RAPGEF6: variants seen among roughly 807,000 people sequenced by gnomAD.
RAPGEF6 encodes the protein PDZ domain containing guanine nucleotide exchange factor (GEF) 2.
RAPGEF6 carries 56 observed loss-of-function variants against 171.4 expected under a neutral mutation model. The observed-to-expected ratio is 0.33, with a 90% CI of 0.26 to 0.41. The LOEUF (loss-of-function observed/expected upper bound fraction) is 0.41, where lower values mean the gene tolerates loss of function less well. Among genes scored for constraint, RAPGEF6 ranks in the 10% least tolerant of loss-of-function variants. The probability of loss-of-function intolerance (pLI) is 1.00; values close to 1 mark genes in which losing one functional copy is unlikely to be tolerated. For missense variants in RAPGEF6, 1,674 were observed against 1,921.4 expected, an observed-to-expected ratio of 0.87 and a Z score of 2.41; for synonymous variants, 692 against 650.1, an observed-to-expected ratio of 1.06 and a Z score of -0.98.
intron 13 of RAPGEF6, among the ~76,000 whole-genome samples, chr5:131,493,214 G>C (rs1368856961): frequency 6.6e-6 from 1 of 151,938 alleles, no homozygotes; most frequent in Non-Finnish European, 1.5e-5. Context: ...ACAGGCGCCC[G>C]CCACCATGCC....
At chr5:131,536,361 TAAC>T (rs976010428) in intron 6 of RAPGEF6, among the ~76,000 whole-genome samples, 3 of 152,290 alleles carry the variant, frequency 2.0e-5, no homozygotes, top group African/African-American at 7.2e-5. Context: ...CAGACACAGT[TAAC>T]TCTAATTACT....
chr5:131,454,350 G>A (rs765743093), intron 20 of RAPGEF6, among the ~76,000 whole-genome samples: 2 of 152,168 alleles, frequency 1.3e-5, no homozygotes, highest in South Asian at 2.1e-4. Flanking sequence ...TTCAAAAAGC[G>A]AGATTATTTC....
chr5:131,484,980 G>A (rs543733145), intron 15 of RAPGEF6, among the ~76,000 whole-genome samples: 1 of 152,256 alleles, frequency 6.6e-6, no homozygotes, highest in East Asian at 1.9e-4. Flanking sequence ...AGGATGGAGT[G>A]CAGGGACACA....
chr5:131,464,919 T>C (rs1754225849), intron 17 of RAPGEF6, among the ~76,000 whole-genome samples: 3 of 152,186 alleles, frequency 2.0e-5, no homozygotes, highest in Non-Finnish European at 2.9e-5. Flanking sequence ...TTACAAAAAT[T>C]GTATATTAAT....
At chr5:131,585,818 C>T (rs1763225810) in intron 4 of RAPGEF6, among the ~76,000 whole-genome samples, 1 of 152,098 alleles carries the variant, frequency 6.6e-6, no homozygotes, top group Non-Finnish European at 1.5e-5. Context: ...AAGAGCGAAA[C>T]TCCGTCCCCA....
intron 4 of RAPGEF6, among the ~76,000 whole-genome samples, chr5:131,570,592 G>GT (rs2149978857): frequency 6.6e-6 from 1 of 152,168 alleles, no homozygotes; most frequent in East Asian, 1.9e-4. Context: ...ACAAAATGCA[G>GT]TATCAACAAT....
intron 1 of RAPGEF6, among the ~76,000 whole-genome samples, chr5:131,627,032 G>C (rs1035388201): frequency 2.6e-5 from 4 of 152,130 alleles, no homozygotes; most frequent in Admixed American, 2.6e-4. Flanking sequence ...CAATAAAACA[G>C]ACTGAATTAG....
chr5:131,530,246 G>C (rs1394759509), intron 6 of RAPGEF6, among the ~76,000 whole-genome samples: 3 of 151,560 alleles, frequency 2.0e-5, no homozygotes, highest in African/African-American at 7.3e-5. Context: ...AGCAACACTG[G>C]AGGCCAGAAG....
In RAPGEF6 at chr5:131,559,856, GA is replaced by G. The variant is rs553071246; in HGVS notation, c.351+2121del. Among the ~76,000 whole-genome samples the G allele has an allele frequency of 4.6e-3, 652 of 141,684 alleles. 2 individuals are homozygous for G. The highest frequency in any genetic ancestry group is 5.5e-3 in the Non-Finnish European group (353 of 64,460). 93.0% of individuals were successfully genotyped at this position (141,684 alleles called of 152,430 possible). A position where few individuals can be genotyped will look rare whatever the true frequency, so the allele number is the denominator to read the frequency against. ...TTAAGAAAAAAAGAAAAAAAAAAAA[GA>G]AAAAAAAAAGTTAAAACAAGGAGAT... On this transcript the variant is annotated intron_variant, in intron 5 of 27. Transcript: ENST00000509018.
At chr5:131,591,634 CACCTCATGACAAT>C (rs2150002575) in intron 4 of RAPGEF6, among the ~76,000 whole-genome samples, 1 of 152,290 alleles carries the variant, frequency 6.6e-6, no homozygotes, top group African/African-American at 2.4e-5. Flanking sequence ...AGTTTCCTAA[CACCTCATGACAAT>C]ACTTAAGTAG....
At chr5:131,500,195 C>T (rs1414057699) in intron 11 of RAPGEF6, among the ~76,000 whole-genome samples, 1 of 152,154 alleles carries the variant, frequency 6.6e-6, no homozygotes, top group Non-Finnish European at 1.5e-5. Flanking sequence ...CTGTGCCTGG[C>T]CCTATTTTAT....
chr5:131,451,874 C>T (rs1383102510), intron 21 of RAPGEF6, among the ~76,000 whole-genome samples: 1 of 151,978 alleles, frequency 6.6e-6, no homozygotes, highest in African/African-American at 2.4e-5. Flanking sequence ...CACATAGGCC[C>T]AAAAGGAAAT....
chr5:131,611,199 C>T (rs1764914374), intron 1 of RAPGEF6, among the ~76,000 whole-genome samples: 1 of 152,232 alleles, frequency 6.6e-6, no homozygotes, highest in Non-Finnish European at 1.5e-5. Flanking sequence ...CAACTCTCTC[C>T]ATTTTTGCTC....
intron 6 of RAPGEF6, among the ~76,000 whole-genome samples, chr5:131,544,442 C>A (rs920291138): frequency 6.0e-5 from 9 of 149,396 alleles, no homozygotes; most frequent in Admixed American, 4.6e-4. Context: ...AGAAGCCCAC[C>A]CCCCCAAAAA....
At chr5:131,594,529 C>T (rs1319141848) in intron 3 of RAPGEF6, among the ~76,000 whole-genome samples, 1 of 152,230 alleles carries the variant, frequency 6.6e-6, no homozygotes, top group Non-Finnish European at 1.5e-5. Flanking sequence ...AGAGTCCCCA[C>T]TGGGGCACTA....
intron 15 of RAPGEF6, among the ~76,000 whole-genome samples, chr5:131,484,641 G>C (rs1447617586): frequency 6.6e-6 from 1 of 152,090 alleles, no homozygotes; most frequent in Non-Finnish European, 1.5e-5. Context: ...ATCTATATGA[G>C]CATAAAAGTA....
chr5:131,581,428 C>T (rs74683933), intron 4 of RAPGEF6, among the ~76,000 whole-genome samples: 24 of 152,164 alleles, frequency 1.6e-4, no homozygotes, highest in African/African-American at 5.8e-4. Flanking sequence ...TTGGGTCTTC[C>T]GATTAATCTC....
chr5:131,431,453 A>C, intron 25 of RAPGEF6, 104 bp from the exon 26 acceptor site: 1 of 1,246,902 alleles, frequency 8.0e-7, no homozygotes, highest in Non-Finnish European at 1.1e-6. Flanking sequence ...CACGTACCAC[A>C]AGTGTTCATG....
intron 13 of RAPGEF6, 64 bp downstream of exon 13, chr5:131,495,489 G>A: frequency 8.1e-7 from 1 of 1,227,042 alleles, no homozygotes; most frequent in East Asian, 2.4e-5. Flanking sequence ...TTGCTGTTCT[G>A]AGTTTGCTAG....
Sources: allele counts gnomAD v4.1 joint callset (sites outside exome capture counted in the v4.1 genomes callset), GRCh38; gene constraint gnomAD v4.1.1; transcripts MANE v1.5; gene names NCBI Gene and HGNC (gene_info 2026-07-23, HGNC 2026-07-21).